The following TCF4 variants were observed in gnomAD, a reference collection of about 807,000 sequenced individuals.
TCF4 encodes SL3-3 enhancer factor 2.
TCF4 carries 3 observed loss-of-function variants against 82.1 expected under a neutral mutation model. That is an observed-to-expected ratio of 0.04 (90% CI 0.02 to 0.09). The LOEUF (loss-of-function observed/expected upper bound fraction) is 0.09, where lower values mean the gene tolerates loss of function less well. TCF4 is among the 10% of genes least tolerant of loss of function. The pLI, the probability that TCF4 is intolerant of heterozygous loss-of-function variation, is 1.00. For missense variants in TCF4, 518 were observed against 852.7 expected (o/e 0.61, Z 4.89); for synonymous variants, 276 against 309.6 (o/e 0.89, Z 1.14).
intron 3 of TCF4, among the ~76,000 whole-genome samples, chr18:55,564,217 A>G (rs956319824): frequency 2.0e-5 from 3 of 152,240 alleles, no homozygotes; most frequent in Admixed American, 6.5e-5. Flanking sequence ...AAGAATCCCA[A>G]TGTAGCCAAA....
intron 2 of TCF4, among the ~76,000 whole-genome samples, chr18:55,602,011 T>C (rs1436293168): frequency 6.6e-6 from 1 of 152,216 alleles, no homozygotes; most frequent in Non-Finnish European, 1.5e-5. Context: ...TTTTTCTCAC[T>C]TAACGGGATG....
intron 8 of TCF4, among the ~76,000 whole-genome samples, chr18:55,302,993 T>C (rs1445350821): frequency 1.3e-5 from 2 of 152,174 alleles, no homozygotes; most frequent in Non-Finnish European, 2.9e-5. Context: ...CCCATCCAGA[T>C]TTCTCTTATG....
intron 3 of TCF4, among the ~76,000 whole-genome samples, chr18:55,515,050 C>A (rs189604598): frequency 6.6e-6 from 1 of 152,164 alleles, no homozygotes; most frequent in East Asian, 1.9e-4. Flanking sequence ...ATAACTTCAG[C>A]AAGATTAGGA....
intron 6 of TCF4, chr18:55,351,921 A>G: frequency 6.0e-6 from 5 of 831,926 alleles, no homozygotes; most frequent in Non-Finnish European, 7.2e-6. Context: ...TATTTAATAA[A>G]GAAATTTTAA....
chr18:55,585,560 T>A lies in TCF4; in HGVS notation c.73-208A>T, dbSNP rs961726973. 9.5e-6 allele frequency: 6 copies of A among 632,196 alleles called. No homozygotes were observed. In the East Asian group the frequency reaches 1.8e-4, roughly 19 times the overall value. The allele number at this position is 632,196 out of a possible 1,614,324, so 39.2% of individuals were successfully genotyped here. A position where few individuals can be genotyped will look rare whatever the true frequency, so the allele number is the denominator to read the frequency against. Reference sequence around the variant, plus strand: ...CCCATTATCACTCTGTTCTTTCTTTTTCCTCAGGTTCATTAGATGGCCAAG... The same window carrying A: ...CCCATTATCACTCTGTTCTTTCTTTATCCTCAGGTTCATTAGATGGCCAAG... On this transcript the variant is annotated intron_variant, in intron 2 of 19. Coordinates refer to ENST00000354452, the MANE Select transcript of TCF4 (RefSeq NM_001083962.2).
intron 6 of TCF4, among the ~76,000 whole-genome samples, chr18:55,373,346 T>A (rs1220602438): frequency 6.6e-6 from 1 of 152,094 alleles, no homozygotes; most frequent in Non-Finnish European, 1.5e-5. Flanking sequence ...AAATATAAAA[T>A]ATTCCTGAAC....
At chr18:55,436,960 T>C (rs1039690469) in intron 5 of TCF4, among the ~76,000 whole-genome samples, 9 of 152,202 alleles carry the variant, frequency 5.9e-5, no homozygotes. Flanking sequence ...GCAGAGATAA[T>C]ATTAGAAAGT....
intron 6 of TCF4, among the ~76,000 whole-genome samples, chr18:55,371,968 T>C (rs1227203081): frequency 1.3e-5 from 2 of 152,204 alleles, no homozygotes; most frequent in East Asian, 1.9e-4. Flanking sequence ...AAATGACTTA[T>C]AACCTCTCAG....
At chr18:55,365,217 ATGTG>A (rs573120268) in intron 6 of TCF4, among the ~76,000 whole-genome samples, 19 of 126,000 alleles carry the variant, frequency 1.5e-4, no homozygotes, top group African/African-American at 3.1e-4. Context: ...GTGTATATAT[ATGTG>A]TGTGTGTGTG....
intron 11 of TCF4, 101 bp from the exon 12 acceptor site, chr18:55,261,634 C>T (rs2058098481): frequency 1.6e-6 from 2 of 1,214,006 alleles, no homozygotes; most frequent in East Asian, 2.3e-5. Context: ...ATTTTTAATG[C>T]TAATTACAAC....
chr18:55,399,851 CCA>C (rs2093698324), intron 6 of TCF4, among the ~76,000 whole-genome samples: 1 of 110,466 alleles, frequency 9.1e-6, no homozygotes, highest in Non-Finnish European at 1.9e-5. Flanking sequence ...CTCTCTCTCC[CCA>C]TCTCTCTCTC....
intron 3 of TCF4, among the ~76,000 whole-genome samples, chr18:55,478,697 G>A (rs1392775419): frequency 3.3e-5 from 5 of 151,856 alleles, no homozygotes; most frequent in African/African-American, 1.2e-4. Context: ...TACCAAATGA[G>A]TTGTAATTTG....
intron 5 of TCF4, among the ~76,000 whole-genome samples, chr18:55,452,330 T>C (rs1374174250): frequency 2.6e-5 from 4 of 152,198 alleles, no homozygotes; most frequent in African/African-American, 9.6e-5. Flanking sequence ...TGTGTACATA[T>C]TAAAAGAAAA....
chr18:55,279,508 A>G (rs2062097714), intron 9 of TCF4, 43 bp downstream of exon 9: 3 of 1,613,002 alleles, frequency 1.9e-6, no homozygotes, highest in Non-Finnish European at 2.5e-6. Context: ...ACCCAGGAAA[A>G]TGCTATCCAG....
At chr18:55,497,847 A>C (rs1417636881) in intron 3 of TCF4, among the ~76,000 whole-genome samples, 1 of 152,204 alleles carries the variant, frequency 6.6e-6, no homozygotes, top group East Asian at 1.9e-4. Flanking sequence ...AAGCTACATG[A>C]AATTGGAAGG....
Position 55,390,105 on chromosome 18 carries a change from C to G in TCF4, c.369+13349G>C, listed in dbSNP as rs183607739. ...ACAATTTGGTAATTGCCAAATTTTA[C>G]TCTGGCTTCTTGAAAAATAAATCCA... On this transcript the variant is annotated intron_variant, in intron 6 of 19. Transcript: ENST00000354452. Among the ~76,000 whole-genome samples, 473 of 152,042 alleles carry G rather than the reference C, an allele frequency of 3.1e-3. 1 individual carries two copies. The highest frequency in any genetic ancestry group is 0.011 in the African/African-American group (436 of 41,454).
In TCF4 at chr18:55,223,681, CTTT is replaced by C. The variant is rs11431395; in HGVS notation, c.*4351_*4353del. 0.054 allele frequency: 7,498 copies of C among 137,828 alleles called. 230 individuals carry two copies. Among genetic ancestry groups the C allele is most frequent in the African/African-American group, 0.081 (3,111 of 38,266 alleles). The allele number at this position is 137,828 out of a possible 1,614,324, so 8.5% of individuals were successfully genotyped here. A position where few individuals can be genotyped will look rare whatever the true frequency, so the allele number is the denominator to read the frequency against. On this transcript the variant is annotated 3_prime_UTR_variant, in exon 20 of 20. Transcript: ENST00000354452. The stretch of plus-strand genomic sequence containing the variant: ...TTGAAAACAAGGTGTAACTGTTTAT[CTTT>C]TTTTTTTTTTTTGAAATGTTTTCCC...
intron 5 of TCF4, among the ~76,000 whole-genome samples, chr18:55,406,320 C>A (rs2094086575): frequency 6.6e-6 from 1 of 151,992 alleles, no homozygotes; most frequent in African/African-American, 2.4e-5. Flanking sequence ...AGAGCCAGAA[C>A]CCCTGTTTGG....
intron 6 of TCF4, among the ~76,000 whole-genome samples, chr18:55,393,362 T>C (rs753674256): frequency 6.6e-6 from 1 of 152,150 alleles, no homozygotes; most frequent in Non-Finnish European, 1.5e-5. Flanking sequence ...AGATCTCGTA[T>C]CTATTATTTT....
Sources: gnomAD v4.1 joint callset for allele counts (sites outside exome capture counted in the v4.1 genomes callset) on GRCh38, gnomAD v4.1.1 for gene constraint, MANE v1.5 for transcripts, NCBI Gene and HGNC (gene_info 2026-07-23, HGNC 2026-07-21) for gene names.